Variants in CACNB4 observed in about 807,000 individuals in gnomAD.
The protein encoded by CACNB4 is voltage-dependent L-type calcium channel subunit beta-4.
A neutral mutation model predicts 71.2 loss-of-function variants in CACNB4; 32 were observed. The observed-to-expected ratio is 0.45, with a 90% confidence interval of 0.34 to 0.60. The LOEUF (loss-of-function observed/expected upper bound fraction) is 0.60, where lower values mean the gene tolerates loss of function less well. Ranked by LOEUF, CACNB4 falls within the 20% of genes least tolerant of loss-of-function variation. The pLI is 0.01. For missense variants in CACNB4, 464 were observed against 647.9 expected, an observed-to-expected ratio of 0.72 and a Z score of 3.08; for synonymous variants, 231 against 236.9, an observed-to-expected ratio of 0.97 and a Z score of 0.23.
At chr2:151,990,934 G>A (rs1051925122) in intron 2 of CACNB4, among the ~76,000 whole-genome samples, 7 of 152,256 alleles carry the variant, frequency 4.6e-5, no homozygotes, top group African/African-American at 1.7e-4. Context: ...ATTGGGAGAT[G>A]GTGAATTGTG....
At chr2:152,007,514 C>A (rs1410753363) in intron 2 of CACNB4, among the ~76,000 whole-genome samples, 1 of 152,208 alleles carries the variant, frequency 6.6e-6, no homozygotes, top group East Asian at 1.9e-4. Context: ...GTAATGTCTT[C>A]AAGGTTCACC....
At chr2:151,968,978 A>G (rs146520568) in intron 2 of CACNB4, 2 of 152,394 alleles carry the variant, frequency 1.3e-5, no homozygotes, top group African/African-American at 4.8e-5. Flanking sequence ...CATGCCAATT[A>G]TATCTAGAAA....
intron 2 of CACNB4, among the ~76,000 whole-genome samples, chr2:151,992,004 G>T (rs1272763513): frequency 1.3e-5 from 2 of 152,208 alleles, no homozygotes; most frequent in African/African-American, 2.4e-5. Context: ...GAACTTCTAA[G>T]CGAGAGTAAA....
intron 2 of CACNB4, among the ~76,000 whole-genome samples, chr2:151,901,966 C>T (rs1360619650): frequency 6.6e-6 from 1 of 151,316 alleles, no homozygotes; most frequent in Non-Finnish European, 1.5e-5. Flanking sequence ...AAGGACAGTC[C>T]TTGTGAGAAT....
At chr2:151,870,205 T>A (rs769369852) in intron 8 of CACNB4, 1 of 693,912 alleles carries the variant, frequency 1.4e-6, no homozygotes, top group Non-Finnish European at 2.6e-6. Flanking sequence ...CTATTACTTC[T>A]AATAATAATG....
At chr2:152,044,839 T>C (rs1399614155) in intron 2 of CACNB4, among the ~76,000 whole-genome samples, 1 of 152,148 alleles carries the variant, frequency 6.6e-6, no homozygotes, top group Non-Finnish European at 1.5e-5. Context: ...TAAGAGACCA[T>C]GAAAAACCCA....
chr2:151,877,492 A>G (rs1409932078), intron 4 of CACNB4, among the ~76,000 whole-genome samples: 2 of 152,214 alleles, frequency 1.3e-5, no homozygotes, highest in Non-Finnish European at 2.9e-5. Context: ...ATATGCACCA[A>G]TGTAACTGGA....
intron 2 of CACNB4, among the ~76,000 whole-genome samples, chr2:151,918,259 T>G (rs2099858070): frequency 2.6e-5 from 4 of 152,218 alleles, no homozygotes; most frequent in Admixed American, 2.6e-4. Flanking sequence ...TATCATTTGC[T>G]CAGTCAACAA....
chr2:151,921,078 A>C (rs2099858873), intron 2 of CACNB4, among the ~76,000 whole-genome samples: 1 of 151,978 alleles, frequency 6.6e-6, no homozygotes, highest in Non-Finnish European at 1.5e-5. Context: ...TGGAGCCTGC[A>C]GTGAGCCAAG....
chr2:152,079,334 T>C (rs1687216783), intron 2 of CACNB4, among the ~76,000 whole-genome samples: 1 of 152,032 alleles, frequency 6.6e-6, no homozygotes, highest in Admixed American at 6.5e-5. Flanking sequence ...GTGATCCGCC[T>C]GCCTCAGCCT....
At chr2:151,982,859 C>G (rs1244003878) in intron 2 of CACNB4, among the ~76,000 whole-genome samples, 1 of 152,084 alleles carries the variant, frequency 6.6e-6, no homozygotes, top group Non-Finnish European at 1.5e-5. Context: ...CTAATTCCAG[C>G]TGCAAAAGTA....
intron 9 of CACNB4, chr2:151,861,302 A>G (rs1256309946): frequency 6.5e-6 from 1 of 155,020 alleles, no homozygotes; most frequent in Admixed American, 6.5e-5. Flanking sequence ...ACAATCTACC[A>G]GTCTGTGGCT....
At chr2:152,042,359 C>T (rs1414025759) in intron 2 of CACNB4, among the ~76,000 whole-genome samples, 2 of 152,180 alleles carry the variant, frequency 1.3e-5, no homozygotes, top group African/African-American at 4.8e-5. Context: ...TATGTCGTAG[C>T]TTGCCAGGGG....
At chr2:151,895,378 A>G (rs1204179317) in intron 2 of CACNB4, among the ~76,000 whole-genome samples, 2 of 152,042 alleles carry the variant, frequency 1.3e-5, no homozygotes, top group African/African-American at 4.8e-5. Context: ...AAGACAAGAG[A>G]ATTTCTTGAG....
At chr2:152,073,235 C>T (rs1485427548) in intron 2 of CACNB4, among the ~76,000 whole-genome samples, 1 of 152,130 alleles carries the variant, frequency 6.6e-6, no homozygotes, top group African/African-American at 2.4e-5. Flanking sequence ...TATCAGCAAA[C>T]TGAAACATCT....
chr2:152,019,143 T>G (rs12693208), intron 2 of CACNB4, among the ~76,000 whole-genome samples: 2 of 152,132 alleles, frequency 1.3e-5, no homozygotes, highest in African/African-American at 4.8e-5. Context: ...AGTATTGCAT[T>G]AGTGCTTGCA....
intron 2 of CACNB4, among the ~76,000 whole-genome samples, chr2:152,092,505 C>T (rs1055206972): frequency 2.0e-5 from 3 of 152,044 alleles, no homozygotes; most frequent in Non-Finnish European, 1.5e-5. Context: ...TTAAAAAATA[C>T]GAGGTTCCTT....
chr2:152,022,867 G>C (rs949146213), intron 2 of CACNB4, among the ~76,000 whole-genome samples: 7 of 152,094 alleles, frequency 4.6e-5, no homozygotes, highest in African/African-American at 1.7e-4. Context: ...AGATGATCAG[G>C]GTAAAGGAAT....
intron 2 of CACNB4, among the ~76,000 whole-genome samples, chr2:152,032,115 G>A (rs1684318231): frequency 6.6e-6 from 1 of 152,076 alleles, no homozygotes; most frequent in Non-Finnish European, 1.5e-5. Context: ...AGGAATAGGA[G>A]GCACATGACC....
Sources: allele counts gnomAD v4.1 joint callset (sites outside exome capture counted in the v4.1 genomes callset), GRCh38; gene constraint gnomAD v4.1.1; transcripts MANE v1.5; gene names NCBI Gene and HGNC (gene_info 2026-07-23, HGNC 2026-07-21).